The following ANTXR2 variants were observed in gnomAD, a reference collection of about 807,000 sequenced individuals.
ANTXR2 encodes ANTXR cell adhesion molecule 2.
In ANTXR2, 44 loss-of-function variants were observed where a neutral mutation model predicts 73.7. The ratio of observed to expected loss-of-function variants is 0.60; its 90% CI spans 0.47 to 0.77. The LOEUF (loss-of-function observed/expected upper bound fraction) is 0.77, where lower values mean the gene tolerates loss of function less well. Ranked by LOEUF, ANTXR2 falls within the 30% of genes least tolerant of loss-of-function variation. The probability of loss-of-function intolerance (pLI) is 0.00; values close to 1 mark genes in which losing one functional copy is unlikely to be tolerated. For synonymous variants in ANTXR2, 217 were observed against 205.9 expected (o/e 1.05, Z -0.46); for missense variants, 604 against 592.5 (o/e 1.02, Z -0.20).
chr4:79,983,254 T>C (rs1217070810), intron 14 of ANTXR2, among the ~76,000 whole-genome samples: 2 of 152,158 alleles, frequency 1.3e-5, no homozygotes, highest in Non-Finnish European at 2.9e-5. Context: ...TATTACTAAA[T>C]AATATATCAC....
At chr4:80,055,051 G>A (rs1387200997) in intron 6 of ANTXR2, 99 bp downstream of exon 6, 25 of 1,080,608 alleles carry the variant, frequency 2.3e-5, no homozygotes, top group South Asian at 1.7e-4. Flanking sequence ...TTTAACAATC[G>A]ACCAGTGTCA....
At chr4:79,912,209 G>A (rs1171127504) in intron 16 of ANTXR2, among the ~76,000 whole-genome samples, 1 of 151,734 alleles carries the variant, frequency 6.6e-6, no homozygotes, top group Non-Finnish European at 1.5e-5. Flanking sequence ...CTGACTTTAT[G>A]CTATAGCGAA....
intron 3 of ANTXR2, among the ~76,000 whole-genome samples, chr4:80,060,253 C>T (rs927447369): frequency 2.0e-5 from 3 of 152,150 alleles, no homozygotes; most frequent in Non-Finnish European, 4.4e-5. Context: ...TTTTCAAAAG[C>T]TCTTCTGGAC....
At chr4:79,919,867 ATATATAT>A (rs1727508313) in intron 16 of ANTXR2, among the ~76,000 whole-genome samples, 2 of 117,054 alleles carry the variant, frequency 1.7e-5, no homozygotes, top group Non-Finnish European at 3.5e-5. Context: ...TACATATTTT[ATATATAT>A]ATATATATAT....
rs1728629704 is a variant in ANTXR2 at position 79,949,573 on chromosome 4, C to A, written c.1428+28048G>T. 2.0e-5 allele frequency among the ~76,000 whole-genome samples: 3 copies of A among 152,238 alleles called. No individual in the cohort carries two copies. In the South Asian group the frequency reaches 6.2e-4, roughly 32 times the overall value. On this transcript the variant is annotated intron_variant, in intron 16 of 16. Transcript: ENST00000403729. ...TCTTCAGTGGCCCAAGAATTTATTT[C>A]TTGGTAGATCATCTTTTTAAGTTTC...
intron 12 of ANTXR2, among the ~76,000 whole-genome samples, chr4:80,007,100 T>C (rs1319628532): frequency 1.3e-5 from 2 of 152,158 alleles, no homozygotes; most frequent in Non-Finnish European, 2.9e-5. Flanking sequence ...GTTAATTCTA[T>C]GCCTCCTCCA....
intron 14 of ANTXR2, among the ~76,000 whole-genome samples, chr4:79,980,945 G>A (rs926965808): frequency 2.6e-4 from 36 of 137,664 alleles, no homozygotes; most frequent in African/African-American, 9.4e-4. Flanking sequence ...AAAAAAAAGA[G>A]AAGTACCTTC....
chr4:80,064,791 T>G (rs1262153553), intron 3 of ANTXR2, among the ~76,000 whole-genome samples: 1 of 152,172 alleles, frequency 6.6e-6, no homozygotes, highest in East Asian at 1.9e-4. Context: ...AGAAGACCAC[T>G]TGAGCTAGAC....
At chr4:79,989,781 A>G (rs1730376069) in intron 12 of ANTXR2, among the ~76,000 whole-genome samples, 1 of 152,122 alleles carries the variant, frequency 6.6e-6, no homozygotes, top group South Asian at 2.1e-4. Flanking sequence ...AAGTTAATCC[A>G]CCATGATCCA....
chr4:79,958,966 C>T (rs1729039455), intron 16 of ANTXR2, among the ~76,000 whole-genome samples: 1 of 151,662 alleles, frequency 6.6e-6, no homozygotes, highest in Non-Finnish European at 1.5e-5. Context: ...AGGACAAATA[C>T]AGATCTCACA....
chr4:79,918,888 C>T (rs1403402269), intron 16 of ANTXR2, among the ~76,000 whole-genome samples: 1 of 151,820 alleles, frequency 6.6e-6, no homozygotes. Context: ...GAATACATGA[C>T]AAGAGCATAA....
chr4:80,032,019 T>A (rs1174037595), intron 9 of ANTXR2, among the ~76,000 whole-genome samples: 4 of 151,718 alleles, frequency 2.6e-5, no homozygotes, highest in South Asian at 2.1e-4. Flanking sequence ...CCGTATTATT[T>A]TAAAAGCACA....
At chr4:79,946,912 T>C (rs1169012446) in intron 16 of ANTXR2, among the ~76,000 whole-genome samples, 1 of 152,102 alleles carries the variant, frequency 6.6e-6, no homozygotes, top group Non-Finnish European at 1.5e-5. Flanking sequence ...AGGCTCTAGA[T>C]AACATACAAA....
At chr4:79,923,874 C>T (rs1188181247) in intron 16 of ANTXR2, among the ~76,000 whole-genome samples, 1 of 152,060 alleles carries the variant, frequency 6.6e-6, no homozygotes, top group East Asian at 1.9e-4. Flanking sequence ...TGATACAACT[C>T]CAGACACCAA....
chr4:79,948,634 A>C (rs1313879568), intron 16 of ANTXR2, among the ~76,000 whole-genome samples: 1 of 152,162 alleles, frequency 6.6e-6, no homozygotes, highest in Non-Finnish European at 1.5e-5. Context: ...AATATACACC[A>C]TTATGATGAC....
chr4:79,931,446 TTCTTCTCTCTCTCTC>T (rs1560874606), intron 16 of ANTXR2, among the ~76,000 whole-genome samples: 1 of 127,104 alleles, frequency 7.9e-6, no homozygotes, highest in African/African-American at 2.7e-5. Flanking sequence ...ATTTCCTCGC[TTCTTCTCTCTCTCTC>T]TCTCTCTCTC....
At chr4:79,947,467 T>G (rs1460952966) in intron 16 of ANTXR2, among the ~76,000 whole-genome samples, 1 of 152,016 alleles carries the variant, frequency 6.6e-6, no homozygotes, top group Admixed American at 6.6e-5. Context: ...AAAAAAAAAG[T>G]TTTTTATTTT....
intron 16 of ANTXR2, among the ~76,000 whole-genome samples, chr4:79,950,161 A>C (rs766755682): frequency 2.6e-5 from 4 of 152,164 alleles, no homozygotes; most frequent in Non-Finnish European, 5.9e-5. Flanking sequence ...AATCCTAAAA[A>C]AGTTGAAGAA....
chr4:79,982,767 A>G (rs1051488840), intron 14 of ANTXR2, among the ~76,000 whole-genome samples: 3 of 152,166 alleles, frequency 2.0e-5, no homozygotes, highest in Non-Finnish European at 4.4e-5. Context: ...TTTCAACAAT[A>G]AAGGGCAAGC....
Sources: gnomAD v4.1 joint callset for allele counts (sites outside exome capture counted in the v4.1 genomes callset) on GRCh38, gnomAD v4.1.1 for gene constraint, MANE v1.5 for transcripts, NCBI Gene and HGNC (gene_info 2026-07-23, HGNC 2026-07-21) for gene names.